ALDH1A2: variants seen among roughly 807,000 people sequenced by gnomAD.
ALDH1A2 encodes aldehyde dehydrogenase 1 family member A2.
In ALDH1A2, 27 loss-of-function variants were observed where a neutral mutation model predicts 60.3. That is an observed-to-expected ratio of 0.45 (90% CI 0.33 to 0.62). The LOEUF is 0.62. ALDH1A2 is among the 20% of genes least tolerant of loss of function. ALDH1A2 has a pLI of 0.02. For missense variants in ALDH1A2, 581 were observed against 643.8 expected, an observed-to-expected ratio of 0.90 and a Z score of 1.06; for synonymous variants, 289 against 232.4, an observed-to-expected ratio of 1.24 and a Z score of -2.21.
intron 1 of ALDH1A2, among the ~76,000 whole-genome samples, chr15:58,050,989 A>G (rs938315147): frequency 6.6e-6 from 1 of 152,186 alleles, no homozygotes; most frequent in East Asian, 1.9e-4. Context: ...CAGGAGACTA[A>G]ACATTTGCTT....
intron 1 of ALDH1A2, among the ~76,000 whole-genome samples, chr15:58,037,002 C>G (rs1432977913): frequency 6.6e-6 from 1 of 151,696 alleles, no homozygotes; most frequent in African/African-American, 2.4e-5. Context: ...AGAAGATTAT[C>G]TGATACCCCG....
intron 1 of ALDH1A2, among the ~76,000 whole-genome samples, chr15:58,031,489 G>A (rs1179792072): frequency 6.6e-6 from 1 of 152,138 alleles, no homozygotes; most frequent in African/African-American, 2.4e-5. Flanking sequence ...CAAAGCAATG[G>A]CAACAAAAGC....
chr15:57,962,774 C>T (rs1893769736), intron 9 of ALDH1A2, among the ~76,000 whole-genome samples: 1 of 152,076 alleles, frequency 6.6e-6, no homozygotes, highest in African/African-American at 2.4e-5. Context: ...TGGTAAATAA[C>T]ACAAAAACCT....
At chr15:58,061,196 C>A (rs968573420) in intron 1 of ALDH1A2, among the ~76,000 whole-genome samples, 3 of 152,006 alleles carry the variant, frequency 2.0e-5, no homozygotes, top group Non-Finnish European at 2.9e-5. Context: ...TAATTCAAGT[C>A]CTGTGATGAA....
intron 1 of ALDH1A2, among the ~76,000 whole-genome samples, chr15:58,049,718 T>C (rs1896727780): frequency 6.6e-6 from 1 of 152,066 alleles, no homozygotes; most frequent in Non-Finnish European, 1.5e-5. Flanking sequence ...GACAGGCTAA[T>C]GCAGGCTGGT....
At chr15:57,987,314 G>A (rs1894737434) in intron 7 of ALDH1A2, among the ~76,000 whole-genome samples, 1 of 151,666 alleles carries the variant, frequency 6.6e-6, no homozygotes, top group South Asian at 2.1e-4. Context: ...TAAACTCACA[G>A]ATATACAGAA....
At chr15:58,020,198 T>G (rs1312682783) in intron 1 of ALDH1A2, among the ~76,000 whole-genome samples, 1 of 152,238 alleles carries the variant, frequency 6.6e-6, no homozygotes, top group Non-Finnish European at 1.5e-5. Flanking sequence ...ACGGTGTATA[T>G]GTACCACATT....
At chr15:58,008,958 T>G (rs1442768090) in intron 4 of ALDH1A2, among the ~76,000 whole-genome samples, 2 of 152,218 alleles carry the variant, frequency 1.3e-5, no homozygotes, top group Admixed American at 1.3e-4. Flanking sequence ...AGAACTGAAC[T>G]AAGATTCTGA....
At chr15:58,031,856 C>T (rs1181337688) in intron 1 of ALDH1A2, among the ~76,000 whole-genome samples, 1 of 152,142 alleles carries the variant, frequency 6.6e-6, no homozygotes, top group East Asian at 1.9e-4. Context: ...CAGGAAACAA[C>T]AGGTGCTGGA....
At chr15:58,030,375 T>C (rs958124086) in intron 1 of ALDH1A2, among the ~76,000 whole-genome samples, 1 of 152,184 alleles carries the variant, frequency 6.6e-6, no homozygotes, top group Non-Finnish European at 1.5e-5. Flanking sequence ...AACTAGGTAT[T>C]GATAGAATGT....
chr15:58,019,274 T>TTTTTTTTTTTTTTTTTTTTTG (rs1566950777), intron 1 of ALDH1A2, among the ~76,000 whole-genome samples: 1 of 152,212 alleles, frequency 6.6e-6, no homozygotes, highest in African/African-American at 2.4e-5. Flanking sequence ...AGAGTTTCTT[T>TTTTTTTTTTTTTTTTTTTTTG]AAATGTGACT....
intron 1 of ALDH1A2, among the ~76,000 whole-genome samples, chr15:58,033,682 CTT>C (rs5812918): frequency 1.5e-3 from 198 of 134,476 alleles, no homozygotes; most frequent in Middle Eastern, 7.7e-3. Flanking sequence ...TGTTAGGACT[CTT>C]TTTTTTTTTT....
intron 7 of ALDH1A2, among the ~76,000 whole-genome samples, chr15:57,988,895 G>A (rs773225462): frequency 7.9e-5 from 12 of 152,076 alleles, no homozygotes; most frequent in Admixed American, 2.0e-4. Flanking sequence ...TGTGCCGGGC[G>A]CAGTGGCTCA....
At chr15:58,046,391 T>C (rs576247422) in intron 1 of ALDH1A2, among the ~76,000 whole-genome samples, 7 of 152,136 alleles carry the variant, frequency 4.6e-5, no homozygotes, top group Admixed American at 3.3e-4. Context: ...TGCTTGATGG[T>C]TGAATGTTAC....
intron 1 of ALDH1A2, among the ~76,000 whole-genome samples, chr15:58,033,153 G>T (rs1896289544): frequency 6.6e-6 from 1 of 151,872 alleles, no homozygotes; most frequent in Non-Finnish European, 1.5e-5. Flanking sequence ...TTAAGTGATG[G>T]ACACCTTTAA....
chr15:57,962,083 G>A lies in ALDH1A2; in HGVS notation c.1180C>T (p.Arg394Ter), dbSNP rs747754555. Residue 394 changes from arginine (R) to a stop codon, truncating the protein, a stop_gained, in exon 10 of 13, where the codon CGA becomes TGA. Coordinates refer to ENST00000249750, the MANE Select transcript of ALDH1A2 (RefSeq NM_003888.4). LOFTEE classifies it high-confidence loss of function. ...KLECGGKGLGRKGFFIEPTVF... is the reference protein window; with the variant it reads ...KLECGGKGLG ...GTGGGCTCAATGAAAAACCCCTTTC[G>A]GCCCAGTCCTTTGCCTCCACATTCC... 3.1e-6 allele frequency: 5 copies of A among 1,614,038 alleles called. No homozygotes were observed. The highest frequency in any genetic ancestry group is 4.2e-6 in the Non-Finnish European group (5 of 1,179,996).
chr15:58,024,104 C>T (rs1896007772), intron 1 of ALDH1A2, among the ~76,000 whole-genome samples: 1 of 151,964 alleles, frequency 6.6e-6, no homozygotes, highest in African/African-American at 2.4e-5. Flanking sequence ...AAAAAAAATG[C>T]TCAAAATATT....
chr15:58,036,791 T>G (rs560943477), intron 1 of ALDH1A2: 1 of 151,766 alleles, frequency 6.6e-6, no homozygotes, highest in African/African-American at 2.4e-5. Context: ...ATGGATAGTA[T>G]AGATAAGCAG....
In ALDH1A2 at chr15:58,006,857, G is replaced by A. The variant is rs564111327; in HGVS notation, c.493+3792C>T. ...GCCTTCTTGCTTCAGCTCTCATATT[G>A]TTAAAAAAAAAAAAAAAAAGTGTCC... On this transcript the variant is annotated intron_variant, in intron 4 of 12. Transcript: ENST00000249750. 1.4e-4 allele frequency among the ~76,000 whole-genome samples: 4 copies of A among 28,984 alleles called. No homozygotes were observed. The East Asian group carries it at 9.0e-3, about 65-fold the overall frequency. The allele number at this position is 28,984 out of a possible 152,430, so 19.0% of individuals were successfully genotyped here.
Sources: gnomAD v4.1 joint callset for allele counts (sites outside exome capture counted in the v4.1 genomes callset) on GRCh38, gnomAD v4.1.1 for gene constraint, MANE v1.5 for transcripts, NCBI Gene and HGNC (gene_info 2026-07-23, HGNC 2026-07-21) for gene names.